Variants in CEP162 observed in about 807,000 individuals in gnomAD.
CEP162 encodes centrosomal protein of 162 kDa.
CEP162 carries 141 observed loss-of-function variants against 169.2 expected under a neutral mutation model. The ratio of observed to expected loss-of-function variants is 0.83; its 90% CI spans 0.73 to 0.96. The LOEUF (loss-of-function observed/expected upper bound fraction) is 0.96, where lower values mean the gene tolerates loss of function less well. Among genes scored for constraint, CEP162 ranks in the 40% least tolerant of loss-of-function variants. CEP162 has a pLI of 0.00. For synonymous variants in CEP162, 540 were observed against 526.4 expected, an observed-to-expected ratio of 1.03 and a Z score of -0.35; for missense variants, 1,600 against 1,587.2, an observed-to-expected ratio of 1.01 and a Z score of -0.14.
intron 9 of CEP162, among the ~76,000 whole-genome samples, chr6:84,195,689 T>C (rs558754986): frequency 2.0e-5 from 3 of 152,298 alleles, no homozygotes; most frequent in African/African-American, 7.2e-5. Flanking sequence ...CTGCATGCCT[T>C]CTTCTTTTTG....
intron 21 of CEP162, among the ~76,000 whole-genome samples, chr6:84,158,921 A>AT (rs973783461): frequency 5.3e-5 from 8 of 151,474 alleles, no homozygotes; most frequent in African/African-American, 1.7e-4. Context: ...TACAAAGTAA[A>AT]TTTTTTTTAA....
chr6:84,164,217 G>A (rs904282493), intron 18 of CEP162, among the ~76,000 whole-genome samples: 1 of 152,184 alleles, frequency 6.6e-6, no homozygotes, highest in African/African-American at 2.4e-5. Flanking sequence ...TGGCAAGGAT[G>A]CGGAGAAACA....
chr6:84,142,493 G>A (rs1276018188), intron 25 of CEP162, among the ~76,000 whole-genome samples: 1 of 151,964 alleles, frequency 6.6e-6, no homozygotes, highest in Admixed American at 6.6e-5. Context: ...TATTTAATTG[G>A]CTTACAGAAA....
rs1350117548 is a variant in CEP162, at chr6:84,212,982, A to AT, written c.545dup (p.Asn182LysfsTer2). 6.4e-7 allele frequency: 1 copy of AT among 1,554,806 alleles called. No homozygotes were observed. The highest frequency in any genetic ancestry group is 1.4e-5 in the African/African-American group (1 of 73,336). The stretch of plus-strand genomic sequence containing the variant: ...CTGCCAGTTCTTCATGTTTCGATTC[A>AT]TTCTCATGTTCGTCATCAGTTAGTT... On this transcript the variant is annotated frameshift_variant, in exon 6 of 27. Transcript: ENST00000403245. LOFTEE classifies it high-confidence loss of function.
intron 6 of CEP162, among the ~76,000 whole-genome samples, chr6:84,206,579 T>C (rs2099547207): frequency 6.6e-6 from 1 of 152,176 alleles, no homozygotes; most frequent in Non-Finnish European, 1.5e-5. Context: ...TCAAGATGGA[T>C]TAAAGACTTA....
chr6:84,192,998 T>C (rs2099540538), intron 11 of CEP162, among the ~76,000 whole-genome samples: 1 of 152,254 alleles, frequency 6.6e-6, no homozygotes, highest in South Asian at 2.1e-4. Context: ...TTTCTTGAAT[T>C]ATGGGCATAA....
chr6:84,174,158 G>A lies in CEP162; in HGVS notation c.2056C>T (p.Gln686Ter). Residue 686 changes from glutamine (Q) to a stop codon, truncating the protein, a stop_gained, in exon 16 of 27, where the codon CAA (glutamine) becomes TAA (stop). Transcript: ENST00000403245. LOFTEE classifies it high-confidence loss of function. ...LSSFEETNKK[Q>*]RWLHFGEAAD... is the part of the protein sequence containing the mutation. Reference sequence around the variant, plus strand: ...GCTTCTCCAAAATGTAACCACCTTTGTTTTTTGTTTGTTTCTTCAAAGCTG... The same window carrying A: ...GCTTCTCCAAAATGTAACCACCTTTATTTTTTGTTTGTTTCTTCAAAGCTG... 1 of 1,607,242 alleles carries A rather than the reference G, an allele frequency of 6.2e-7. No individual in the cohort carries two copies. The highest frequency in any genetic ancestry group is 8.5e-7 in the Non-Finnish European group (1 of 1,176,400).
intron 7 of CEP162, among the ~76,000 whole-genome samples, chr6:84,203,348 T>C (rs1030977062): frequency 7.9e-5 from 12 of 152,252 alleles, no homozygotes; most frequent in Admixed American, 7.2e-4. Context: ...AAAGAAAAAG[T>C]ATAAGTTAAC....
intron 13 of CEP162, among the ~76,000 whole-genome samples, chr6:84,181,452 C>T (rs2099534794): frequency 6.6e-6 from 1 of 152,142 alleles, no homozygotes; most frequent in African/African-American, 2.4e-5. Flanking sequence ...GCAAGGACTT[C>T]ATGTCTAAAA....
chr6:84,179,274 C>T (rs1214076725), intron 13 of CEP162, among the ~76,000 whole-genome samples: 1 of 151,784 alleles, frequency 6.6e-6, no homozygotes, highest in East Asian at 1.9e-4. Context: ...TACACTCCTA[C>T]CAACAGTGTA....
Position 84,223,500 on chromosome 6 carries a change from A to AAAATAAATAAAT in CEP162, c.58-2341_58-2330dup, listed in dbSNP as rs539333560. On this transcript the variant is annotated intron_variant, in intron 2 of 26. Transcript: ENST00000403245. ...GGTGACAGAGCAAGGCTCTATCTCAAAAATAAATAAATAAATAAATAAATA... is the reference window on the plus strand; with the variant it reads ...GGTGACAGAGCAAGGCTCTATCTCAAAAATAAATAAATAAATAAATAAATAAATAAATAAATA... Among the ~76,000 whole-genome samples, 1,100 of 150,480 alleles carry AAAATAAATAAAT rather than the reference A, an allele frequency of 7.3e-3. 25 individuals carry two copies. The highest frequency in any genetic ancestry group is 0.025 in the African/African-American group (1,027 of 40,932).
At chr6:84,153,985 T>C (rs2099522109) in intron 22 of CEP162, among the ~76,000 whole-genome samples, 2 of 152,132 alleles carry the variant, frequency 1.3e-5, no homozygotes, top group Admixed American at 6.6e-5. Flanking sequence ...CACATTTATG[T>C]TCGGTCTTGA....
chr6:84,161,873 G>A lies in CEP162; in HGVS notation c.2549C>T (p.Thr850Ile). Residue 850 changes from threonine to isoleucine, a missense_variant, in exon 20 of 27, where the codon ACA becomes ATA. Coordinates refer to ENST00000403245, the MANE Select transcript of CEP162 (RefSeq NM_014895.4). ...CAGACGACTGATTTCTTGTTTATGT[G>A]TTTCTTCTAAAATTTTTATTTCATA... ...KLYEIKILEE[T>I]HKQEISRLQK... 6.4e-7 allele frequency: 1 copy of A among 1,563,594 alleles called. No individual in the cohort carries two copies. Among genetic ancestry groups the A allele is most frequent in the South Asian group, 1.2e-5 (1 of 84,998 alleles).
intron 23 of CEP162, among the ~76,000 whole-genome samples, chr6:84,151,798 T>C (rs1331738229): frequency 6.6e-6 from 1 of 151,996 alleles, no homozygotes; most frequent in African/African-American, 2.4e-5. Context: ...AAAAGTAGTG[T>C]GGTCAACATT....
intron 23 of CEP162, among the ~76,000 whole-genome samples, chr6:84,151,310 T>C (rs573290543): frequency 1.3e-5 from 2 of 151,802 alleles, no homozygotes; most frequent in South Asian, 4.2e-4. Flanking sequence ...AGTGGGAAAA[T>C]TGTATAATGG....
Position 84,124,921 on chromosome 6 carries a change from A to T in CEP162, c.*149T>A. 1.5e-6 allele frequency: 1 copy of T among 672,980 alleles called. No individual in the cohort carries two copies. The highest frequency in any genetic ancestry group is 2.5e-6 in the Non-Finnish European group (1 of 392,672). The allele number at this position is 672,980 out of a possible 1,614,324, so 41.7% of individuals were successfully genotyped here. A position where few individuals can be genotyped will look rare whatever the true frequency, so the allele number is the denominator to read the frequency against. ...TTATATGTTTTTTTTCTTATTGGTT[A>T]AAGGCAATTTATTTTGAAATGTTGC... On this transcript the variant is annotated 3_prime_UTR_variant, in exon 27 of 27. Transcript: ENST00000403245.
intron 6 of CEP162, among the ~76,000 whole-genome samples, chr6:84,211,300 A>C: frequency 6.6e-6 from 1 of 151,732 alleles, no homozygotes; most frequent in Non-Finnish European, 1.5e-5. Context: ...AGGTCAAGGC[A>C]GGCAGATCAT....
chr6:84,148,196 G>A (rs564841539), intron 24 of CEP162, among the ~76,000 whole-genome samples: 38 of 152,158 alleles, frequency 2.5e-4, no homozygotes, highest in Admixed American at 6.6e-4. Context: ...TTTCATTAAC[G>A]TAGTCAAATA....
chr6:84,198,936 T>C (rs1181976778), intron 9 of CEP162, among the ~76,000 whole-genome samples: 1 of 152,200 alleles, frequency 6.6e-6, no homozygotes, highest in Non-Finnish European at 1.5e-5. Context: ...AAATGTACCA[T>C]TTATGTAACT....
Sources: gnomAD v4.1 joint callset for allele counts (sites outside exome capture counted in the v4.1 genomes callset) on GRCh38, gnomAD v4.1.1 for gene constraint, MANE v1.5 for transcripts, NCBI Gene and HGNC (gene_info 2026-07-23, HGNC 2026-07-21) for gene names.